The following PCDH11X variants were observed in gnomAD, a reference collection of about 807,000 sequenced individuals.
PCDH11X encodes protocadherin 11 X-linked, also known as protocadherin-11 X-linked.
A neutral mutation model predicts 53.3 loss-of-function variants in PCDH11X; 18 were observed. The ratio of observed to expected loss-of-function variants is 0.34; its 90% CI spans 0.23 to 0.50. The LOEUF is 0.50. Among genes scored for constraint, PCDH11X ranks in the 20% least tolerant of loss-of-function variants. The pLI is 0.98. For synonymous variants in PCDH11X, 279 were observed against 393.3 expected, an observed-to-expected ratio of 0.71 and a Z score of 3.44; for missense variants, 570 against 1,032.4, an observed-to-expected ratio of 0.55 and a Z score of 6.14.
chrX:92,114,413 T>C (rs1025573835), intron 6 of PCDH11X: 7 of 953,748 alleles, frequency 7.3e-6, no homozygotes, highest in African/African-American at 1.9e-5. Context: ...TCGGGCTCCA[T>C]CCCATCGGGG....
chrX:92,177,290 T>C (rs1392656354), intron 6 of PCDH11X, among the ~76,000 whole-genome samples: 1 of 111,501 alleles, frequency 9.0e-6, no homozygotes, highest in Non-Finnish European at 1.9e-5. Context: ...AAGGTAGTTA[T>C]TCTTATTTCA....
intron 6 of PCDH11X, among the ~76,000 whole-genome samples, chrX:92,104,627 T>A (rs1254786347): frequency 9.1e-6 from 1 of 110,351 alleles, no homozygotes; most frequent in Non-Finnish European, 1.9e-5. Flanking sequence ...CAGGTGAGAA[T>A]TGAAGAGGTT....
At chrX:92,051,680 T>A (rs752853643) in intron 6 of PCDH11X, among the ~76,000 whole-genome samples, 125 of 111,840 alleles carry the variant, frequency 1.1e-3, no homozygotes, top group African/African-American at 3.8e-3. Context: ...TCTCAATATA[T>A]CTTCAAAGAA....
chrX:91,785,277 T>C (rs1453356747), intron 1 of PCDH11X, among the ~76,000 whole-genome samples: 1 of 105,960 alleles, frequency 9.4e-6, no homozygotes, highest in African/African-American at 3.5e-5. Flanking sequence ...TTTAAATATT[T>C]TGAGAAGGGA....
chrX:91,788,638 G>A (rs1935410138), intron 1 of PCDH11X, among the ~76,000 whole-genome samples: 1 of 112,389 alleles, frequency 8.9e-6, no homozygotes, highest in Admixed American at 9.4e-5. Flanking sequence ...ATGTGCGTTT[G>A]TTAGGGAGTA....
intron 6 of PCDH11X, among the ~76,000 whole-genome samples, chrX:92,135,227 G>A (rs930532591): frequency 2.7e-5 from 3 of 111,444 alleles, no homozygotes; most frequent in African/African-American, 9.8e-5. Context: ...CGTTTTATTC[G>A]TCTTCTCTGA....
chrX:91,803,618 C>CT (rs1210096587), intron 1 of PCDH11X, among the ~76,000 whole-genome samples: 1 of 111,271 alleles, frequency 9.0e-6, no homozygotes, highest in Non-Finnish European at 1.9e-5. Flanking sequence ...GTTATTGAAA[C>CT]TTTTAGAGTC....
intron 8 of PCDH11X, among the ~76,000 whole-genome samples, chrX:92,294,837 A>C: frequency 1.0e-5 from 1 of 99,749 alleles, no homozygotes; most frequent in Non-Finnish European, 2.0e-5. Flanking sequence ...CCCTAGAGAA[A>C]CATATGTGTG....
intron 10 of PCDH11X, among the ~76,000 whole-genome samples, chrX:92,525,644 A>AG (rs1455378731): frequency 9.2e-6 from 1 of 108,130 alleles, no homozygotes; most frequent in East Asian, 2.9e-4. Flanking sequence ...AAAAAAAAAA[A>AG]AAAAAAAAGT....
chrX:92,213,467 A>C (rs1230057771), intron 7 of PCDH11X, among the ~76,000 whole-genome samples: 1 of 111,622 alleles, frequency 9.0e-6, no homozygotes, highest in Non-Finnish European at 1.9e-5. Context: ...AGTGTTTGAT[A>C]GGGGGATTTA....
chrX:92,254,537 G>C (rs1483590170), intron 7 of PCDH11X, among the ~76,000 whole-genome samples: 1 of 108,912 alleles, frequency 9.2e-6, no homozygotes, highest in East Asian at 2.9e-4. Flanking sequence ...TCCTAGTCTC[G>C]ATGGTCTTTA....
At chrX:92,490,817 A>AAAGC (rs201716487) in intron 10 of PCDH11X, among the ~76,000 whole-genome samples, 2,860 of 110,382 alleles carry the variant, frequency 0.026, 93 homozygotes, top group African/African-American at 0.088. Flanking sequence ...AGAGAGAGAG[A>AAAGC]AAGCAAGCAA....
At chrX:92,198,844 C>T (rs1189427210) in intron 6 of PCDH11X, among the ~76,000 whole-genome samples, 1 of 111,056 alleles carries the variant, frequency 9.0e-6, no homozygotes, top group Non-Finnish European at 1.9e-5. Flanking sequence ...TTAAAATTTT[C>T]TTACTTTTTG....
At chrX:92,432,288 C>T (rs2148626340) in intron 9 of PCDH11X, among the ~76,000 whole-genome samples, 1 of 110,542 alleles carries the variant, frequency 9.0e-6, no homozygotes, top group East Asian at 2.8e-4. Flanking sequence ...TAGCTTTCAA[C>T]AGAAATACCA....
At chrX:92,356,986 G>A (rs1264084498) in intron 8 of PCDH11X, among the ~76,000 whole-genome samples, 1 of 111,385 alleles carries the variant, frequency 9.0e-6, no homozygotes, top group Non-Finnish European at 1.9e-5. Flanking sequence ...GTGCAACAGT[G>A]AAAATGCAAT....
chrX:92,511,778 G>A (rs1480382235), intron 10 of PCDH11X, among the ~76,000 whole-genome samples: 1 of 111,118 alleles, frequency 9.0e-6, no homozygotes, highest in Admixed American at 9.6e-5. Flanking sequence ...GCAGAAAAAA[G>A]GCCTGAAATT....
intron 10 of PCDH11X, among the ~76,000 whole-genome samples, chrX:92,598,157 C>T (rs1198663679): frequency 9.0e-6 from 1 of 111,325 alleles, no homozygotes; most frequent in Non-Finnish European, 1.9e-5. Context: ...CCCACAAGAA[C>T]AGGCAACGAA....
At chrX:92,422,104 T>A (rs1288202762) in intron 9 of PCDH11X, among the ~76,000 whole-genome samples, 4 of 108,160 alleles carry the variant, frequency 3.7e-5, no homozygotes, top group African/African-American at 1.3e-4. Flanking sequence ...ACCGGCTCAG[T>A]GAAATAAATG....
chrX:92,143,241 C>T (rs1283944616), intron 6 of PCDH11X, among the ~76,000 whole-genome samples: 1 of 112,239 alleles, frequency 8.9e-6, no homozygotes, highest in African/African-American at 3.2e-5. Flanking sequence ...GACTGTGAAA[C>T]TGGACTCCAA....
Sources: allele counts gnomAD v4.1 joint callset (sites outside exome capture counted in the v4.1 genomes callset), GRCh38; gene constraint gnomAD v4.1.1; transcripts MANE v1.5; gene names NCBI Gene and HGNC (gene_info 2026-07-23, HGNC 2026-07-21).